CDC42SE2: variants seen among roughly 807,000 people sequenced by gnomAD.
The protein encoded by CDC42SE2 is CDC42 small effector protein 2.
In CDC42SE2, 3 loss-of-function variants were observed where a neutral mutation model predicts 11.5. The observed-to-expected ratio is 0.26, with a 90% CI of 0.12 to 0.67. CDC42SE2 has a LOEUF of 0.67. CDC42SE2 is among the 30% of genes least tolerant of loss of function. The pLI is 0.80. For missense variants in CDC42SE2, 82 were observed against 106.8 expected (o/e 0.77, Z 1.02); for synonymous variants, 33 against 34.8 (o/e 0.95, Z 0.18).
chr5:131,303,427 A>G (rs1224333583), intron 1 of CDC42SE2, among the ~76,000 whole-genome samples: 4 of 152,236 alleles, frequency 2.6e-5, no homozygotes, highest in Non-Finnish European at 5.9e-5. Flanking sequence ...TTCTTGAGGA[A>G]AAGTGGAAAG....
At chr5:131,240,922 C>A (rs1322906956), upstream of CDC42SE2, among the ~76,000 whole-genome samples, 1 of 152,068 alleles carries the variant, frequency 6.6e-6, no homozygotes, top group Non-Finnish European at 1.5e-5. Flanking sequence ...CTTTAGTTTC[C>A]TGAATTTCCT....
intron 2 of CDC42SE2, among the ~76,000 whole-genome samples, chr5:131,322,340 A>T (rs1319000987): frequency 1.3e-5 from 2 of 152,132 alleles, no homozygotes; most frequent in Non-Finnish European, 1.5e-5. Context: ...CCCTATTGCC[A>T]TCCCCCAGTA....
intron 1 of CDC42SE2, among the ~76,000 whole-genome samples, chr5:131,264,625 G>T (rs1756817438): frequency 6.6e-6 from 1 of 152,150 alleles, no homozygotes; most frequent in African/African-American, 2.4e-5. Context: ...CCGACTCTTC[G>T]CCTGAGGCGC....
At chr5:131,362,337 A>G (rs1292697662) in intron 3 of CDC42SE2, among the ~76,000 whole-genome samples, 1 of 152,206 alleles carries the variant, frequency 6.6e-6, no homozygotes, top group African/African-American at 2.4e-5. Flanking sequence ...CATAAAACTT[A>G]ATGGGGCTTT....
At chr5:131,278,086 A>G (rs900855497) in intron 1 of CDC42SE2, among the ~76,000 whole-genome samples, 2 of 152,070 alleles carry the variant, frequency 1.3e-5, no homozygotes, top group African/African-American at 4.8e-5. Context: ...CTTTGGTCCT[A>G]TCAATTCTTG....
At chr5:131,310,157 C>T (rs909833428) in intron 1 of CDC42SE2, among the ~76,000 whole-genome samples, 6 of 151,762 alleles carry the variant, frequency 4.0e-5, no homozygotes, top group Non-Finnish European at 4.4e-5. Flanking sequence ...TCTTTGTTCT[C>T]GTTGGTTTCA....
At chr5:131,353,198 T>A (rs1261275344) in intron 2 of CDC42SE2, among the ~76,000 whole-genome samples, 1 of 152,062 alleles carries the variant, frequency 6.6e-6, no homozygotes, top group Non-Finnish European at 1.5e-5. Context: ...GAACTCCTGG[T>A]CTCAAGCAAT....
rs145921727 is a variant in CDC42SE2, at chr5:131,362,739, C to T, written c.54+3192C>T. Among the ~76,000 whole-genome samples, 749 of 152,228 alleles carry T rather than the reference C, an allele frequency of 4.9e-3. 4 individuals carry two copies. Among genetic ancestry groups the T allele is most frequent in the African/African-American group, 0.017 (688 of 41,520 alleles). ...ATAATAGAGCCCCAATGTTTTGAGC[C>T]GTGGTATTCCAAAACTTAGTAACTT... On this transcript the variant is annotated intron_variant, in intron 3 of 4. Transcript: ENST00000505065.
At chr5:131,254,082 C>T (rs571279371) in intron 1 of CDC42SE2, among the ~76,000 whole-genome samples, 4 of 152,232 alleles carry the variant, frequency 2.6e-5, no homozygotes, top group East Asian at 1.9e-4. Flanking sequence ...ATGTGCACAA[C>T]GTGCGGGTTT....
At chr5:131,228,097 C>T in the CDC42SE2 span, among the ~76,000 whole-genome samples, 1 of 152,174 alleles carries the variant, frequency 6.6e-6, no homozygotes, top group African/African-American at 2.4e-5. Flanking sequence ...ATCCCAGCTA[C>T]TTGAGAGGCT....
intron 3 of CDC42SE2, among the ~76,000 whole-genome samples, chr5:131,374,256 T>A (rs551717772): frequency 6.6e-6 from 1 of 152,118 alleles, no homozygotes. Context: ...ATGGAGGGTA[T>A]TAGAACAATT....
At chr5:131,353,055 TC>T (rs1372030204) in intron 2 of CDC42SE2, among the ~76,000 whole-genome samples, 1 of 152,110 alleles carries the variant, frequency 6.6e-6, no homozygotes, top group East Asian at 1.9e-4. Flanking sequence ...AGCCTCGACT[TC>T]CTGGGCTCTA....
At chr5:131,341,702 T>A (rs2149753112) in intron 2 of CDC42SE2, among the ~76,000 whole-genome samples, 1 of 152,272 alleles carries the variant, frequency 6.6e-6, no homozygotes, top group South Asian at 2.1e-4. Context: ...GTTTTACAGA[T>A]CTGATATAGG....
At chr5:131,238,632 A>G in the CDC42SE2 span, among the ~76,000 whole-genome samples, 1 of 152,026 alleles carries the variant, frequency 6.6e-6, no homozygotes, top group African/African-American at 2.4e-5. Flanking sequence ...ATAATAAAAA[A>G]GAAAAGAAAA....
chr5:131,295,279 A>G (rs76803420), intron 1 of CDC42SE2, among the ~76,000 whole-genome samples: 32 of 145,296 alleles, frequency 2.2e-4, no homozygotes, highest in African/African-American at 7.6e-4. Flanking sequence ...TGAGACTTTG[A>G]AAAAAAAAAA....
At chr5:131,235,726 C>G in the CDC42SE2 span, among the ~76,000 whole-genome samples, 9 of 152,080 alleles carry the variant, frequency 5.9e-5, no homozygotes, top group Non-Finnish European at 2.9e-5. Context: ...TCCCGAGTAG[C>G]TGGGACTACA....
intron 1 of CDC42SE2, among the ~76,000 whole-genome samples, chr5:131,278,711 TCTCCC>T (rs1248216912): frequency 4.7e-4 from 17 of 36,438 alleles, no homozygotes; most frequent in East Asian, 9.0e-4. Flanking sequence ...TTTCCTTTCC[TCTCCC>T]CTCCCCTCCC....
chr5:131,224,979 G>A, the CDC42SE2 span, among the ~76,000 whole-genome samples: 4 of 151,968 alleles, frequency 2.6e-5, no homozygotes, highest in Non-Finnish European at 5.9e-5. Flanking sequence ...TGGAAGACAG[G>A]GAATGGGGGG....
the CDC42SE2 span, among the ~76,000 whole-genome samples, chr5:131,212,952 A>G: frequency 6.6e-6 from 1 of 152,228 alleles, no homozygotes; most frequent in Non-Finnish European, 1.5e-5. Flanking sequence ...GCACTTTGGA[A>G]GGCCAAGGTG....
Sources: gnomAD v4.1 joint callset for allele counts (sites outside exome capture counted in the v4.1 genomes callset) on GRCh38, gnomAD v4.1.1 for gene constraint, MANE v1.5 for transcripts, NCBI Gene and HGNC (gene_info 2026-07-23, HGNC 2026-07-21) for gene names.